RAB11A: variants seen among roughly 807,000 people sequenced by gnomAD.
RAB11A encodes RAB11A, member RAS oncogene family, also known as ras-related protein Rab-11A.
RAB11A carries 9 observed loss-of-function variants against 28.0 expected under a neutral mutation model. The ratio of observed to expected loss-of-function variants is 0.32; its 90% CI spans 0.19 to 0.56. RAB11A has a LOEUF of 0.56. Among genes scored for constraint, RAB11A ranks in the 20% least tolerant of loss-of-function variants. The pLI is 0.91. For synonymous variants in RAB11A, 85 were observed against 88.2 expected (o/e 0.96, Z 0.20); for missense variants, 108 against 269.6 (o/e 0.40, Z 4.20).
chr15:65,875,685 T>C (rs2078187778), intron 1 of RAB11A, among the ~76,000 whole-genome samples: 2 of 152,224 alleles, frequency 1.3e-5, no homozygotes, highest in South Asian at 2.1e-4. Context: ...CAGAAAGATA[T>C]GCATTTGATA....
At chr15:65,886,730 A>G (rs566004634) in intron 4 of RAB11A, among the ~76,000 whole-genome samples, 3 of 152,240 alleles carry the variant, frequency 2.0e-5, no homozygotes, top group Non-Finnish European at 4.4e-5. Context: ...ATTTATCACA[A>G]CACATGTTAT....
chr15:65,884,685 T>C (rs1596791119), intron 4 of RAB11A, among the ~76,000 whole-genome samples: 2 of 150,910 alleles, frequency 1.3e-5, no homozygotes, highest in East Asian at 3.9e-4. Flanking sequence ...ACCAAAGCAA[T>C]AAAGAGTGAT....
At chr15:65,884,843 T>G (rs2078245198) in intron 4 of RAB11A, among the ~76,000 whole-genome samples, 1 of 151,508 alleles carries the variant, frequency 6.6e-6, no homozygotes, top group Admixed American at 6.6e-5. Context: ...GAAGGTTATT[T>G]CATTGGGAGT....
intron 3 of RAB11A, among the ~76,000 whole-genome samples, chr15:65,879,427 C>G (rs974705310): frequency 1.3e-5 from 2 of 151,718 alleles, no homozygotes; most frequent in African/African-American, 4.8e-5. Flanking sequence ...AGGAGAAACT[C>G]TTGAGGCCAG....
At chr15:65,878,516 T>C (rs1333665483) in intron 3 of RAB11A, among the ~76,000 whole-genome samples, 1 of 152,046 alleles carries the variant, frequency 6.6e-6, no homozygotes, top group African/African-American at 2.4e-5. Context: ...ACCCCGTCTC[T>C]ACTAAAAATA....
At chr15:65,874,336 G>A (rs1005042601) in intron 1 of RAB11A, among the ~76,000 whole-genome samples, 1 of 151,188 alleles carries the variant, frequency 6.6e-6, no homozygotes, top group Admixed American at 6.6e-5. Flanking sequence ...TCCGCCTCCC[G>A]CTTCAAGCAA....
chr15:65,873,508 G>T (rs950154546), intron 1 of RAB11A, among the ~76,000 whole-genome samples: 1 of 152,034 alleles, frequency 6.6e-6, no homozygotes, highest in African/African-American at 2.4e-5. Flanking sequence ...GGAAAAACTT[G>T]TCTAGACTTG....
At chr15:65,886,940 C>T (rs1384569701) in intron 4 of RAB11A, among the ~76,000 whole-genome samples, 1 of 152,166 alleles carries the variant, frequency 6.6e-6, no homozygotes, top group Admixed American at 6.5e-5. Context: ...CTGATAAACA[C>T]ATTATCTTTT....
At position 65,890,024 on chromosome 15, in the gene RAB11A, A is replaced by G. The variant is rs1183753919; in HGVS notation, c.*2184A>G. ...TAAGGCAGTTTAGAAGTATTTTGCTACTTGACCTTGATTTTCAGTTATTTT... is the reference window on the plus strand; with the variant it reads ...TAAGGCAGTTTAGAAGTATTTTGCTGCTTGACCTTGATTTTCAGTTATTTT... On this transcript the variant is annotated 3_prime_UTR_variant, in exon 5 of 5. Transcript: ENST00000261890. The G allele has an allele frequency of 2.0e-5, 3 of 151,896 alleles. No individual in the cohort carries two copies. The highest frequency in any genetic ancestry group is 1.9e-4 in the East Asian group (1 of 5,182). 9.4% of individuals were successfully genotyped at this position (151,896 alleles called of 1,614,324 possible). A position where few individuals can be genotyped will look rare whatever the true frequency, so the allele number is the denominator to read the frequency against.
intron 3 of RAB11A, among the ~76,000 whole-genome samples, chr15:65,878,608 G>C (rs1596786352): frequency 6.6e-6 from 1 of 152,172 alleles, no homozygotes; most frequent in South Asian, 2.1e-4. Context: ...GAACCCGGGA[G>C]CAGAGCTTGC....
At chr15:65,874,792 T>G (rs1040795729) in intron 1 of RAB11A, among the ~76,000 whole-genome samples, 9 of 151,932 alleles carry the variant, frequency 5.9e-5, no homozygotes, top group African/African-American at 2.2e-4. Flanking sequence ...ATACCTGTAA[T>G]CCCAGTACTT....
At chr15:65,884,623 A>G (rs1246389407) in intron 4 of RAB11A, among the ~76,000 whole-genome samples, 3 of 152,124 alleles carry the variant, frequency 2.0e-5, no homozygotes, top group Non-Finnish European at 4.4e-5. Context: ...GAAATAGATT[A>G]CTGCTGCACT....
At chr15:65,878,990 CTT>C (rs35545905) in intron 3 of RAB11A, among the ~76,000 whole-genome samples, 12,224 of 128,408 alleles carry the variant, frequency 0.095, 467 homozygotes, top group African/African-American at 0.12. Context: ...CAATTTCTCA[CTT>C]TTTTTTTTTT....
chr15:65,872,680 C>T lies in RAB11A; in HGVS notation c.40+3055C>T, dbSNP rs577993401. 2.7e-3 allele frequency among the ~76,000 whole-genome samples: 406 copies of T among 151,564 alleles called. 2 individuals are homozygous for T. The highest frequency in any genetic ancestry group is 9.0e-3 in the African/African-American group (371 of 41,320). ...AACTCCTGACCTCAGGTGATCCGCC[C>T]GCCTGGGCCTCCCAAAGTGCTGGGA... is the stretch of plus-strand genomic sequence containing the variant. On this transcript the variant is annotated intron_variant, in intron 1 of 4. Coordinates refer to ENST00000261890, the MANE Select transcript of RAB11A (RefSeq NM_004663.5).
intron 4 of RAB11A, among the ~76,000 whole-genome samples, chr15:65,880,888 C>G (rs2078218191): frequency 6.6e-6 from 1 of 152,052 alleles, no homozygotes; most frequent in Non-Finnish European, 1.5e-5. Context: ...TAGGATTTGA[C>G]TTGACTTTTG....
At chr15:65,878,958 TTTTAA>T (rs1483149879) in intron 3 of RAB11A, among the ~76,000 whole-genome samples, 6 of 152,074 alleles carry the variant, frequency 3.9e-5, no homozygotes, top group Non-Finnish European at 7.4e-5. Context: ...CAAGTATTTA[TTTTAA>T]TTAAGGAGCC....
chr15:65,872,016 C>T (rs554550919), intron 1 of RAB11A, among the ~76,000 whole-genome samples: 80 of 143,730 alleles, frequency 5.6e-4, no homozygotes, highest in Non-Finnish European at 8.5e-4. Context: ...ACTGCAGTCT[C>T]GGCCTCCTCA....
chr15:65,881,877 T>TAAAAAAAA (rs57352123), intron 4 of RAB11A, among the ~76,000 whole-genome samples: 2 of 86,380 alleles, frequency 2.3e-5, no homozygotes, highest in Admixed American at 1.3e-4. Flanking sequence ...ACCCTGTCTC[T>TAAAAAAAA]AAAAAAAAAA....
rs539266349 is a variant in RAB11A at position 65,889,347 on chromosome 15, A to G, written c.*1507A>G. 2 of 152,298 alleles carry G rather than the reference A, an allele frequency of 1.3e-5. No individual in the cohort carries two copies. Among genetic ancestry groups the G allele is most frequent in the East Asian group, 1.9e-4 (1 of 5,190 alleles). 9.4% of individuals were successfully genotyped at this position (152,298 alleles called of 1,614,324 possible). The stretch of plus-strand genomic sequence containing the variant: ...ATTAGTTATGAAGATAATATTATCT[A>G]TTTGTAAATTGCTACTTTGTATTTT... On this transcript the variant is annotated 3_prime_UTR_variant, in exon 5 of 5. Transcript: ENST00000261890.
Sources: gnomAD v4.1 joint callset for allele counts (sites outside exome capture counted in the v4.1 genomes callset) on GRCh38, gnomAD v4.1.1 for gene constraint, MANE v1.5 for transcripts, NCBI Gene and HGNC (gene_info 2026-07-23, HGNC 2026-07-21) for gene names.